BBOX1: variants seen among roughly 807,000 people sequenced by gnomAD.
The protein encoded by BBOX1 is gamma-butyrobetaine hydroxylase 1, also known as gamma-butyrobetaine dioxygenase.
BBOX1 carries 35 observed loss-of-function variants against 41.6 expected under a neutral mutation model. That is an observed-to-expected ratio of 0.84 (90% CI 0.64 to 1.11). The LOEUF is 1.11. Ranked by LOEUF, BBOX1 falls within the 50% of genes most tolerant of loss-of-function variation. BBOX1 has a pLI of 0.00. For synonymous variants in BBOX1, 163 were observed against 154.7 expected (o/e 1.05, Z -0.40); for missense variants, 458 against 460.6 (o/e 0.99, Z 0.05).
intron 2 of BBOX1, among the ~76,000 whole-genome samples, chr11:27,042,865 A>C (rs1409981511): frequency 6.6e-6 from 1 of 152,070 alleles, no homozygotes; most frequent in Non-Finnish European, 1.5e-5. Context: ...TGTCTGGTCA[A>C]CCTCCACCTT....
At chr11:27,085,414 C>G (rs995152069) in intron 4 of BBOX1, among the ~76,000 whole-genome samples, 5 of 152,062 alleles carry the variant, frequency 3.3e-5, no homozygotes, top group Admixed American at 1.3e-4. Context: ...ATTTTCATAT[C>G]TGTTATAGTG....
intron 6 of BBOX1, among the ~76,000 whole-genome samples, chr11:27,118,112 A>G (rs1298302705): frequency 1.3e-5 from 2 of 152,024 alleles, no homozygotes; most frequent in South Asian, 2.1e-4. Flanking sequence ...TTGTATTTCA[A>G]TACTTTGTAT....
chr11:27,094,938 C>T (rs1394850217), intron 5 of BBOX1, among the ~76,000 whole-genome samples: 2 of 151,922 alleles, frequency 1.3e-5, no homozygotes, highest in Non-Finnish European at 2.9e-5. Flanking sequence ...TTATTAAGAG[C>T]CTTAACTGTA....
At chr11:27,120,861 G>A (rs1275914079) in intron 7 of BBOX1, among the ~76,000 whole-genome samples, 2 of 151,944 alleles carry the variant, frequency 1.3e-5, no homozygotes, top group African/African-American at 4.8e-5. Context: ...ATTTATTGAG[G>A]CCAGCCACTT....
In BBOX1 at chr11:27,127,406, A is replaced by T. The variant is rs1160889986; in HGVS notation, c.1117A>T (p.Met373Leu). The T allele has an allele frequency of 6.2e-7, 1 of 1,613,782 alleles. No individual in the cohort carries two copies. The highest frequency in any genetic ancestry group is 8.5e-7 in the Non-Finnish European group (1 of 1,179,982). ...AGCTTATGCTGACTGGGATGTGGTC[A>T]TGTCAAGGCTTCGTATCTTAAGGCA... Reference protein sequence around the residue: ...EGAYADWDVVMSRLRILRQRV... With the variant: ...EGAYADWDVVLSRLRILRQRV... The change falls in exon 9 of 9, where the codon ATG (methionine) becomes TTG (leucine). Residue 373 changes from methionine (M) to leucine (L), a missense_variant. Transcript: ENST00000263182.
rs552994850 is a variant in BBOX1 at position 27,074,179 on chromosome 11, A to G, written c.334+16864A>G. ...GACTGTAACTTTCCTGAGGCCTCCC[A>G]GTCATGCTTCCTATAAGCCTGTGGA... On this transcript the variant is annotated intron_variant, in intron 4 of 8. Transcript: ENST00000263182. 2.0e-5 allele frequency among the ~76,000 whole-genome samples: 3 copies of G among 152,146 alleles called. No homozygotes were observed. The South Asian group carries it at 6.2e-4, about 32-fold the overall frequency.
intron 4 of BBOX1, among the ~76,000 whole-genome samples, chr11:27,060,120 C>T (rs1857096842): frequency 6.6e-6 from 1 of 152,054 alleles, no homozygotes; most frequent in African/African-American, 2.4e-5. Flanking sequence ...CTGTAATCTC[C>T]AATGTTGGAG....
chr11:27,073,584 A>G (rs1017274685), intron 4 of BBOX1, among the ~76,000 whole-genome samples: 2 of 150,808 alleles, frequency 1.3e-5, no homozygotes, highest in African/African-American at 5.0e-5. Context: ...AGGATTATAA[A>G]TCATGCTGCT....
intron 4 of BBOX1, among the ~76,000 whole-genome samples, chr11:27,085,819 G>A (rs1047857417): frequency 6.6e-6 from 1 of 152,044 alleles, no homozygotes; most frequent in South Asian, 2.1e-4. Context: ...GAATGCAAAG[G>A]AAAAGTTACA....
At chr11:27,115,590 A>G (rs909380643) in intron 6 of BBOX1, 33 bp downstream of exon 6, 1 of 1,543,780 alleles carries the variant, frequency 6.5e-7, no homozygotes, top group Non-Finnish European at 8.9e-7. Flanking sequence ...TCCACAAAGC[A>G]TGATGATGAC....
intron 4 of BBOX1, among the ~76,000 whole-genome samples, chr11:27,062,339 T>A (rs1183558532): frequency 3.9e-5 from 6 of 152,174 alleles, no homozygotes; most frequent in Admixed American, 1.3e-4. Flanking sequence ...TTAAGAGTTT[T>A]CCCAACAAGG....
intron 4 of BBOX1, among the ~76,000 whole-genome samples, chr11:27,082,908 A>G (rs1388367085): frequency 6.6e-6 from 1 of 151,980 alleles, no homozygotes. Context: ...GTGTTTCTTC[A>G]TCATTTTGTG....
At chr11:27,082,234 A>C (rs1226379528) in intron 4 of BBOX1, among the ~76,000 whole-genome samples, 1 of 152,120 alleles carries the variant, frequency 6.6e-6, no homozygotes, top group African/African-American at 2.4e-5. Flanking sequence ...TATCCAAACT[A>C]TATCTCTATT....
At chr11:27,068,188 C>G (rs1319717498) in intron 4 of BBOX1, among the ~76,000 whole-genome samples, 1 of 152,074 alleles carries the variant, frequency 6.6e-6, no homozygotes, top group Non-Finnish European at 1.5e-5. Flanking sequence ...ATTTACATTC[C>G]TACCCACAGT....
chr11:27,063,915 A>G (rs1857207931), intron 4 of BBOX1, among the ~76,000 whole-genome samples: 1 of 152,154 alleles, frequency 6.6e-6, no homozygotes, highest in Non-Finnish European at 1.5e-5. Flanking sequence ...TTACTTGAAG[A>G]TGGAGACTTT....
chr11:27,052,347 A>C lies in BBOX1; in HGVS notation c.-38-3046A>C, dbSNP rs553718855. Among the ~76,000 whole-genome samples, 304 of 152,168 alleles carry C rather than the reference A, an allele frequency of 2.0e-3. 1 individual carries two copies. The highest frequency in any genetic ancestry group is 7.2e-3 in the African/African-American group (298 of 41,544). On this transcript the variant is annotated intron_variant, in intron 2 of 8. Coordinates refer to ENST00000263182, the MANE Select transcript of BBOX1 (RefSeq NM_003986.3). ...ACAACAGCTCCATACAATGTATCTG[A>C]TTCTAACCCTTTAACCTTCTTTCAA...
chr11:27,127,351 A>C lies in BBOX1; in HGVS notation c.1062A>C (p.Ala354=). The C allele has an allele frequency of 6.2e-7, 1 of 1,614,186 alleles. No individual in the cohort carries two copies. Among genetic ancestry groups the C allele is most frequent in the Non-Finnish European group, 8.5e-7 (1 of 1,180,018 alleles). The part of the protein sequence containing the change: ...RLLHGRRSYE[A]GTEISRHLEG... Reference sequence around the variant, plus strand: ...TTCATGGCCGACGTAGCTATGAAGCAGGAACTGAGATATCCCGCCATCTAG... The same window carrying C: ...TTCATGGCCGACGTAGCTATGAAGCCGGAACTGAGATATCCCGCCATCTAG... Residue 354 remains alanine, a synonymous_variant, in exon 9 of 9, where the codon GCA becomes GCC. Transcript: ENST00000263182.
At chr11:27,102,465 G>A (rs549408238) in intron 5 of BBOX1, among the ~76,000 whole-genome samples, 82 of 152,074 alleles carry the variant, frequency 5.4e-4, no homozygotes, top group Admixed American at 1.4e-3. Flanking sequence ...TCCCAACCAA[G>A]CATAAACCTT....
chr11:27,092,091 A>T (rs1161370299), intron 4 of BBOX1, among the ~76,000 whole-genome samples: 1 of 151,900 alleles, frequency 6.6e-6, no homozygotes, highest in Non-Finnish European at 1.5e-5. Flanking sequence ...CGCCTACAAA[A>T]ATTCCTATTT....
Sources: gnomAD v4.1 joint callset for allele counts (sites outside exome capture counted in the v4.1 genomes callset) on GRCh38, gnomAD v4.1.1 for gene constraint, MANE v1.5 for transcripts, NCBI Gene and HGNC (gene_info 2026-07-23, HGNC 2026-07-21) for gene names.